The following SETBP1 variants were observed in gnomAD, a reference collection of about 807,000 sequenced individuals.
SETBP1 encodes the protein SET-binding protein.
A neutral mutation model predicts 101.0 loss-of-function variants in SETBP1; 9 were observed. The ratio of observed to expected loss-of-function variants is 0.09; its 90% CI spans 0.05 to 0.16. The LOEUF (loss-of-function observed/expected upper bound fraction) is 0.16, where lower values mean the gene tolerates loss of function less well. Ranked by LOEUF, SETBP1 falls within the 10% of genes least tolerant of loss-of-function variation. The pLI is 1.00. For missense variants in SETBP1, 1,858 were observed against 2,033.8 expected (o/e 0.91, Z 1.66); for synonymous variants, 818 against 788.5 (o/e 1.04, Z -0.63).
rs775748160 is a variant in SETBP1, at chr18:44,687,702, C to G, written c.-173+6681C>G. 8.5e-5 allele frequency among the ~76,000 whole-genome samples: 13 copies of G among 152,128 alleles called. No individual in the cohort carries two copies. The South Asian group carries it at 1.7e-3, about 19-fold the overall frequency. On this transcript the variant is annotated intron_variant, in intron 1 of 5. Coordinates refer to ENST00000649279, the MANE Select transcript of SETBP1 (RefSeq NM_015559.3). Reference sequence around the variant, plus strand: ...GTTTCTAGGAAGTCCAGAATGTATTCTGTAGTTGAGCTTTGCTGCTGCTTC... The same window carrying G: ...GTTTCTAGGAAGTCCAGAATGTATTGTGTAGTTGAGCTTTGCTGCTGCTTC...
intron 3 of SETBP1, among the ~76,000 whole-genome samples, chr18:44,930,408 G>T (rs1436350383): frequency 1.3e-5 from 2 of 151,974 alleles, no homozygotes; most frequent in African/African-American, 4.8e-5. Flanking sequence ...TTTTTTTGTT[G>T]TGTCTCTGCC....
At chr18:44,765,721 A>G (rs2070752409) in intron 2 of SETBP1, among the ~76,000 whole-genome samples, 1 of 152,188 alleles carries the variant, frequency 6.6e-6, no homozygotes, top group Non-Finnish European at 1.5e-5. Flanking sequence ...GTTACACTCT[A>G]CTATGCCTTT....
intron 2 of SETBP1, among the ~76,000 whole-genome samples, chr18:44,803,816 C>T (rs558314737): frequency 2.0e-5 from 3 of 152,176 alleles, no homozygotes; most frequent in Non-Finnish European, 4.4e-5. Flanking sequence ...TTAAAAGAAA[C>T]TTTTTCCTAT....
At chr18:44,778,499 A>T (rs1443975884) in intron 2 of SETBP1, among the ~76,000 whole-genome samples, 2 of 152,248 alleles carry the variant, frequency 1.3e-5, no homozygotes, top group Non-Finnish European at 2.9e-5. Flanking sequence ...GATTTTTATC[A>T]TCTGATTTTC....
chr18:44,725,406 G>T (rs536900174), intron 2 of SETBP1, among the ~76,000 whole-genome samples: 102 of 152,208 alleles, frequency 6.7e-4, no homozygotes, highest in African/African-American at 2.3e-3. Context: ...TGGGTTGGGG[G>T]GTGTGTGTGG....
At chr18:44,816,217 A>C (rs1228298049) in intron 2 of SETBP1, among the ~76,000 whole-genome samples, 1 of 152,150 alleles carries the variant, frequency 6.6e-6, no homozygotes, top group Non-Finnish European at 1.5e-5. Flanking sequence ...TGCTGCAGTC[A>C]TCTGCCTGGG....
intron 5 of SETBP1, among the ~76,000 whole-genome samples, chr18:45,042,224 A>C (rs1011658502): frequency 1.4e-5 from 2 of 138,860 alleles, no homozygotes; most frequent in Non-Finnish European, 3.0e-5. Flanking sequence ...ATCTTGGCTC[A>C]CTGCAACCTC....
intron 3 of SETBP1, among the ~76,000 whole-genome samples, chr18:44,924,238 TC>T (rs1340633038): frequency 1.3e-5 from 2 of 152,060 alleles, no homozygotes; most frequent in South Asian, 4.2e-4. Context: ...TGATTCTAGT[TC>T]CCCAGGCTCC....
In SETBP1 at chr18:44,962,032, C is replaced by T. The variant is rs1294466340; in HGVS notation, c.4000+8692C>T. ...AAATGATTGAGAGGTCTTTGGTCACCCAGCATATAGCATAGTGCCAGGGAC... is the reference window on the plus strand; with the variant it reads ...AAATGATTGAGAGGTCTTTGGTCACTCAGCATATAGCATAGTGCCAGGGAC... On this transcript the variant is annotated intron_variant, in intron 4 of 5. Transcript: ENST00000649279. Among the ~76,000 whole-genome samples the T allele has an allele frequency of 7.2e-5, 11 of 151,984 alleles. No individual in the cohort carries two copies. In the East Asian group the frequency reaches 2.1e-3, roughly 29 times the overall value.
intron 2 of SETBP1, among the ~76,000 whole-genome samples, chr18:44,865,935 A>G (rs988388902): frequency 2.6e-5 from 4 of 152,240 alleles, no homozygotes; most frequent in African/African-American, 4.8e-5. Flanking sequence ...AAAGGAATCC[A>G]GATAGAAGTT....
intron 4 of SETBP1, among the ~76,000 whole-genome samples, chr18:45,016,965 T>C (rs2072959780): frequency 6.6e-6 from 1 of 152,130 alleles, no homozygotes; most frequent in Admixed American, 6.6e-5. Flanking sequence ...TCTTTTAATT[T>C]TTCCCCCTCC....
In SETBP1 at chr18:44,723,507, GA is replaced by G. The variant is rs771418786; in HGVS notation, c.486+21683del. ...GGCAATCAGCGACAGTCGGCGGGGG[GA>G]AAAAAAACAACACCCTTTTTAGTCA... On this transcript the variant is annotated intron_variant, in intron 2 of 5. Transcript: ENST00000649279. Among the ~76,000 whole-genome samples, 233 of 151,754 alleles carry G rather than the reference GA, an allele frequency of 1.5e-3. 1 individual carries two copies. The highest frequency in any genetic ancestry group is 5.6e-3 in the East Asian group (29 of 5,160).
intron 3 of SETBP1, among the ~76,000 whole-genome samples, chr18:44,949,271 T>C (rs141466596): frequency 5.2e-4 from 79 of 152,358 alleles, no homozygotes; most frequent in African/African-American, 1.8e-3. Flanking sequence ...GGGCTGTTTT[T>C]ACTGGTTACA....
intron 2 of SETBP1, among the ~76,000 whole-genome samples, chr18:44,855,067 T>C (rs754914723): frequency 5.3e-5 from 8 of 152,230 alleles, no homozygotes; most frequent in Non-Finnish European, 1.2e-4. Context: ...TGGGTTTCAC[T>C]CTAACATTCC....
intron 4 of SETBP1, among the ~76,000 whole-genome samples, chr18:45,020,051 C>T (rs1480979120): frequency 2.0e-5 from 3 of 151,854 alleles, no homozygotes; most frequent in Non-Finnish European, 4.4e-5. Flanking sequence ...TTATCTACCT[C>T]CCAGGGTTGT....
chr18:44,900,442 G>T (rs1486853964), intron 3 of SETBP1, among the ~76,000 whole-genome samples: 2 of 152,148 alleles, frequency 1.3e-5, no homozygotes, highest in African/African-American at 4.8e-5. Flanking sequence ...ACACCTCAAA[G>T]CTTTTCTGCT....
rs1172547169 is a variant in SETBP1, at chr18:44,953,009, G to C, written c.3669G>C (p.Lys1223Asn). 6.2e-7 allele frequency: 1 copy of C among 1,614,134 alleles called. No homozygotes were observed. Among genetic ancestry groups the C allele is most frequent in the Admixed American group, 1.7e-5 (1 of 60,024 alleles). ...GCGAAGCCGGCCACAAAGCTTCTAA[G>C]AACAACTTTGAGGTGGACACCCTGT... ...QHSEAGHKAS[K>N]NNFEVDTLST... Residue 1223 changes from lysine (K) to asparagine (N), a missense_variant, in exon 4 of 6, where the codon AAG (lysine) becomes AAC (asparagine). Physicochemically the swap from Lys to Asn is moderately conservative, Grantham distance 94. Coordinates refer to ENST00000649279, the MANE Select transcript of SETBP1 (RefSeq NM_015559.3).
intron 4 of SETBP1, among the ~76,000 whole-genome samples, chr18:44,984,920 C>T (rs1277537623): frequency 6.6e-6 from 1 of 152,202 alleles, no homozygotes; most frequent in Non-Finnish European, 1.5e-5. Context: ...GCGGGCAGAT[C>T]ACCTGAGGTC....
At chr18:44,778,449 T>C (rs926147239) in intron 2 of SETBP1, among the ~76,000 whole-genome samples, 1 of 152,240 alleles carries the variant, frequency 6.6e-6, no homozygotes, top group Admixed American at 6.5e-5. Flanking sequence ...GCATAACATT[T>C]TCCTAAAGAA....
Sources: allele counts gnomAD v4.1 joint callset (sites outside exome capture counted in the v4.1 genomes callset), GRCh38; gene constraint gnomAD v4.1.1; transcripts MANE v1.5; gene names NCBI Gene and HGNC (gene_info 2026-07-23, HGNC 2026-07-21).